The following ALDH4A1 variants were observed in gnomAD, a reference collection of about 807,000 sequenced individuals.
The protein encoded by ALDH4A1 is aldehyde dehydrogenase 4 family member A1.
A neutral mutation model predicts 70.5 loss-of-function variants in ALDH4A1; 46 were observed. The ratio of observed to expected loss-of-function variants is 0.65; its 90% CI spans 0.51 to 0.83. The LOEUF is 0.83. Ranked by LOEUF, ALDH4A1 falls within the 40% of genes least tolerant of loss-of-function variation. The pLI is 0.00. For synonymous variants in ALDH4A1, 323 were observed against 324.3 expected, an observed-to-expected ratio of 1.00 and a Z score of 0.04; for missense variants, 749 against 766.5, an observed-to-expected ratio of 0.98 and a Z score of 0.27.
At position 18,902,449 on chromosome 1, in the gene ALDH4A1, C is replaced by A; in HGVS notation, c.62+13G>T. ...CGCGCGCTCGGGCCGCCCCGGGCCC[C>A]GTGCTCACTCACCCGGCCCCGGTCC... On this transcript the variant is annotated intron_variant, in intron 1 of 14. Transcript: ENST00000375341. 2 of 1,358,178 alleles carry A rather than the reference C, an allele frequency of 1.5e-6. No homozygotes were observed. The highest frequency in any genetic ancestry group is 1.9e-6 in the Non-Finnish European group (2 of 1,057,240). 84.1% of individuals were successfully genotyped at this position (1,358,178 alleles called of 1,614,324 possible).
intron 11 of ALDH4A1, 135 bp from the exon 12 acceptor site, chr1:18,876,602 C>T: frequency 9.7e-7 from 1 of 1,026,832 alleles, no homozygotes; most frequent in South Asian, 1.6e-5. Flanking sequence ...GTAGGGGACG[C>T]CAAGGGCAAA....
At position 18,890,053 on chromosome 1, in the gene ALDH4A1, C is replaced by A. The variant is rs1935375575; in HGVS notation, c.115G>T (p.Ala39Ser). 3 of 1,613,032 alleles carry A rather than the reference C, an allele frequency of 1.9e-6. No individual in the cohort carries two copies. The highest frequency in any genetic ancestry group is 2.5e-6 in the Non-Finnish European group (3 of 1,179,790). ...SLKVANEPVL[A>S]FTQGSPERDA... is the part of the protein sequence containing the mutation. ...CGCTCAGGGCTGCCCTGCGTGAAGG[C>A]TAAGACGGGCTCGTTGGCCACCTTC... The change falls in exon 2 of 15, where the codon GCC (alanine) becomes TCC (serine). Residue 39 changes from alanine to serine, a missense_variant. Ala to Ser is a moderately conservative substitution (Grantham distance 99, BLOSUM62 1). Transcript: ENST00000375341.
intron 1 of ALDH4A1, among the ~76,000 whole-genome samples, chr1:18,902,155 T>A (rs1935821255): frequency 6.6e-6 from 1 of 152,014 alleles, no homozygotes; most frequent in Admixed American, 6.5e-5. Flanking sequence ...GGTGAGTGAC[T>A]ACAGAGGCTA....
rs757656676 is a variant in ALDH4A1, at chr1:18,872,931, G to A, written c.1606C>T (p.His536Tyr). 1 of 1,614,096 alleles carries A rather than the reference G, an allele frequency of 6.2e-7. No individual in the cohort carries two copies. ...SGTNDKPGGPHYILRWTSPQV... is the reference protein window; with the variant it reads ...SGTNDKPGGPYYILRWTSPQV... ...GGCGACGTCCAGCGCAGGATGTAGT[G>A]TGGGCCCCCTGGCTTGTCATTGGTT... Residue 536 changes from histidine (H) to tyrosine (Y), a missense_variant, in exon 15 of 15, where the codon CAC becomes TAC. Physicochemically the swap from His to Tyr is moderately conservative, Grantham distance 83 (BLOSUM62 2). Coordinates refer to ENST00000375341, the MANE Select transcript of ALDH4A1 (RefSeq NM_003748.4).
Position 18,875,507 on chromosome 1 carries a change from GGAGA to G in ALDH4A1, c.1339-8_1339-5del. ...ACAGTACAGGCCCGAAGATCTCCTA[GGAGA>G]GAGGCCCCGGCGTCAGACCCTCCAC... is the stretch of plus-strand genomic sequence containing the variant. On this transcript the variant is annotated splice_polypyrimidine_tract_variant and splice_region_variant and intron_variant, in intron 12 of 14. Coordinates refer to ENST00000375341, the MANE Select transcript of ALDH4A1 (RefSeq NM_003748.4). 2 of 1,614,058 alleles carry G rather than the reference GGAGA, an allele frequency of 1.2e-6. No individual in the cohort carries two copies. Among genetic ancestry groups the G allele is most frequent in the Admixed American group, 3.3e-5 (2 of 60,010 alleles).
chr1:18,892,559 G>A (rs189109939), intron 1 of ALDH4A1, among the ~76,000 whole-genome samples: 7,158 of 139,294 alleles, frequency 0.051, 589 homozygotes, highest in African/African-American at 0.2. Flanking sequence ...AGAAGGAGGC[G>A]GGGGGGGGCT....
intron 1 of ALDH4A1, among the ~76,000 whole-genome samples, chr1:18,892,557 G>GC (rs758798562): frequency 6.6e-6 from 1 of 151,076 alleles, no homozygotes; most frequent in Non-Finnish European, 1.5e-5. Flanking sequence ...GTAGAAGGAG[G>GC]CGGGGGGGGG....
chr1:18,885,573 A>G lies in ALDH4A1; in HGVS notation c.353T>C (p.Leu118Pro), dbSNP rs1179783680. Residue 118 changes from leucine to proline, a missense_variant, in exon 5 of 15, where the codon CTG becomes CCG. Physicochemically the swap from Leu to Pro is moderately conservative, Grantham distance 98 (BLOSUM62 -3). Coordinates refer to ENST00000375341, the MANE Select transcript of ALDH4A1 (RefSeq NM_003748.4). ...CTGGGCCCGGTCTGCAATAGGCTTCAGGTCCCACTCTTTCCGGGCAGCCAG... is the reference window on the plus strand; with the variant it reads ...CTGGGCCCGGTCTGCAATAGGCTTCGGGTCCCACTCTTTCCGGGCAGCCAG... ...AALAARKEWD[L>P]KPIADRAQIF... The G allele has an allele frequency of 6.2e-7, 1 of 1,613,662 alleles. No individual in the cohort carries two copies. Among genetic ancestry groups the G allele is most frequent in the Admixed American group, 1.7e-5 (1 of 59,972 alleles).
At chr1:18,895,675 G>T (rs538407581) in intron 1 of ALDH4A1, among the ~76,000 whole-genome samples, 5 of 152,336 alleles carry the variant, frequency 3.3e-5, no homozygotes, top group African/African-American at 1.2e-4. Flanking sequence ...GAGATGTCAG[G>T]GTTGCAAGGA....
Position 18,872,921 on chromosome 1 carries a change from A to C in ALDH4A1, c.1616T>G (p.Leu539Arg), listed in dbSNP as rs775674142. Residue 539 changes from leucine to arginine, a missense_variant, in exon 15 of 15, where the codon CTG becomes CGG. By Grantham distance (102) the Leu-to-Arg change is moderately radical. Transcript: ENST00000375341. ...GATGACCTGCGGCGACGTCCAGCGC[A>C]GGATGTAGTGTGGGCCCCCTGGCTT... ...NDKPGGPHYI[L>R]RWTSPQVIKE... 1 of 1,614,116 alleles carries C rather than the reference A, an allele frequency of 6.2e-7. No individual in the cohort carries two copies. The highest frequency in any genetic ancestry group is 1.7e-5 in the Admixed American group (1 of 60,034).
intron 10 of ALDH4A1, 32 bp downstream of exon 10, chr1:18,877,384 T>TG: frequency 6.4e-7 from 1 of 1,553,868 alleles, no homozygotes; most frequent in East Asian, 2.4e-5. Context: ...AGCCCCCCGC[T>TG]GGGCCGCGGC....
chr1:18,889,838 C>T (rs557337147), intron 2 of ALDH4A1, among the ~76,000 whole-genome samples, 174 bp downstream of exon 2: 51 of 152,340 alleles, frequency 3.3e-4, no homozygotes, highest in Middle Eastern at 3.4e-3. Flanking sequence ...CACCTTGGTC[C>T]TCCCAGCTGT....
Position 18,879,454 on chromosome 1 carries a change from CG to C in ALDH4A1, c.867-82del, listed in dbSNP as rs565534004. 1.1e-4 allele frequency: 137 copies of C among 1,279,730 alleles called. No homozygotes were observed. The African/African-American group carries it at 1.9e-3, about 18-fold the overall frequency. 79.3% of individuals were successfully genotyped at this position (1,279,730 alleles called of 1,614,324 possible). On this transcript the variant is annotated intron_variant, in intron 8 of 14. Coordinates refer to ENST00000375341, the MANE Select transcript of ALDH4A1 (RefSeq NM_003748.4). Reference sequence around the variant, plus strand: ...GGAAAAGCCCAGGGAGGAGCATTGCCGGGGGCAGCCCAGCAGGAGGTGGGAG... The same window carrying C: ...GGAAAAGCCCAGGGAGGAGCATTGCCGGGGCAGCCCAGCAGGAGGTGGGAG...
In ALDH4A1 at chr1:18,883,383, T is replaced by C. The variant is rs923744167; in HGVS notation, c.499A>G (p.Ile167Val). Residue 167 changes from isoleucine (I) to valine (V), a missense_variant, in exon 6 of 15, where the codon ATC becomes GTC. Transcript: ENST00000375341. ...TTGGCATTGAACCGGAAGAAGTCGA[T>C]GAGTTCCGCTGCAGCGTCAATCTCC... The part of the protein sequence containing the change: ...QAEIDAAAEL[I>V]DFFRFNAKYA... 5 of 1,613,490 alleles carry C rather than the reference T, an allele frequency of 3.1e-6. No homozygotes were observed. The East Asian group carries it at 8.9e-5, about 29-fold the overall frequency.
intron 13 of ALDH4A1, among the ~76,000 whole-genome samples, chr1:18,874,795 C>T (rs536840468): frequency 1.9e-4 from 29 of 152,326 alleles, no homozygotes; most frequent in African/African-American, 6.5e-4. Flanking sequence ...AGGGGCTTGG[C>T]ACGCCTCGTT....
At chr1:18,876,711 C>T (rs1213094573) in intron 11 of ALDH4A1, among the ~76,000 whole-genome samples, 1 of 76,048 alleles carries the variant, frequency 1.3e-5, no homozygotes, top group Non-Finnish European at 3.2e-5. Context: ...GTTAGTACTA[C>T]AGGTGCACTC....
Position 18,877,580 on chromosome 1 carries a change from G to A in ALDH4A1, c.973C>T (p.Arg325Cys), listed in dbSNP as rs768179480. ...ACCACGCTCTCCACGTCGGCCGAGC[G>A]GTGCACGAAGTGGAAGTTCTTTCCG... is the stretch of plus-strand genomic sequence containing the variant. Reference protein sequence around the residue: ...CGGKNFHFVHRSADVESVVSG... With the variant: ...CGGKNFHFVHCSADVESVVSG... Residue 325 changes from arginine (R) to cysteine (C), a missense_variant, in exon 10 of 15, where the codon CGC becomes TGC. Transcript: ENST00000375341. The A allele has an allele frequency of 1.9e-5, 31 of 1,607,290 alleles. No individual in the cohort carries two copies. Among genetic ancestry groups the A allele is most frequent in the African/African-American group, 5.4e-5 (4 of 74,688 alleles).
intron 1 of ALDH4A1, among the ~76,000 whole-genome samples, chr1:18,894,604 G>A (rs1043126003): frequency 6.6e-6 from 1 of 152,198 alleles, no homozygotes; most frequent in African/African-American, 2.4e-5. Flanking sequence ...CCCAGGAAAT[G>A]TCAGAGTCAG....
At chr1:18,875,232 C>T (rs186913970) in intron 13 of ALDH4A1, 150 bp downstream of exon 13, 8 of 1,317,642 alleles carry the variant, frequency 6.1e-6, no homozygotes, top group African/African-American at 1.4e-5. Context: ...GCCCATGTGG[C>T]GAGCCCTGGC....
Sources: gnomAD v4.1 joint callset for allele counts (sites outside exome capture counted in the v4.1 genomes callset) on GRCh38, gnomAD v4.1.1 for gene constraint, MANE v1.5 for transcripts, NCBI Gene and HGNC (gene_info 2026-07-23, HGNC 2026-07-21) for gene names.